SLC37A1: variants seen among roughly 807,000 people sequenced by gnomAD.
SLC37A1 encodes the protein glucose-6-phosphate exchanger SLC37A1.
SLC37A1 carries 49 observed loss-of-function variants against 75.3 expected under a neutral mutation model. That is an observed-to-expected ratio of 0.65 (90% CI 0.52 to 0.83). The LOEUF (loss-of-function observed/expected upper bound fraction) is 0.83, where lower values mean the gene tolerates loss of function less well. SLC37A1 is among the 40% of genes least tolerant of loss of function. The pLI is 0.00. For missense variants in SLC37A1, 566 were observed against 695.0 expected, an observed-to-expected ratio of 0.81 and a Z score of 2.09; for synonymous variants, 268 against 292.1, an observed-to-expected ratio of 0.92 and a Z score of 0.84.
intron 2 of SLC37A1, among the ~76,000 whole-genome samples, chr21:42,522,990 T>C (rs1262384831): frequency 6.6e-6 from 1 of 152,144 alleles, no homozygotes; most frequent in Non-Finnish European, 1.5e-5. Context: ...GCCCTGACCA[T>C]TGGGAACGCG....
chr21:42,509,425 T>C (rs1039477613), upstream of SLC37A1: 2 of 152,206 alleles, frequency 1.3e-5, no homozygotes, highest in Non-Finnish European at 2.9e-5. The surrounding 1 kb of genome is among the most constrained non-coding windows in gnomAD (Gnocchi z 4.2). Flanking sequence ...AAACAGAGCT[T>C]TCATACGTGA....
intron 17 of SLC37A1, among the ~76,000 whole-genome samples, chr21:42,569,945 T>C (rs1001570122): frequency 2.0e-5 from 3 of 152,228 alleles, no homozygotes; most frequent in African/African-American, 7.2e-5. Context: ...TCCACGCTGC[T>C]GCTGCTGCGT....
intron 18 of SLC37A1, among the ~76,000 whole-genome samples, chr21:42,576,599 GTAAAC>G (rs2056315622): frequency 6.6e-6 from 1 of 152,072 alleles, no homozygotes; most frequent in Non-Finnish European, 1.5e-5. Context: ...AAAGAGTTAT[GTAAAC>G]TAAAAATAAA....
At position 42,575,634 on chromosome 21, in the gene SLC37A1, C is replaced by A. The variant is rs73375859; in HGVS notation, c.1521+719C>A. 8.6e-5 allele frequency: 85 copies of A among 985,482 alleles called. No individual in the cohort carries two copies. In the African/African-American group the frequency reaches 1.4e-3, roughly 17 times the overall value. The allele number at this position is 985,482 out of a possible 1,614,324, so 61.0% of individuals were successfully genotyped here. ...TTACAAGTCACCTGGCCACAAAGTCCCCAGACCCACAGCCATGCCTCTCCT... is the reference window on the plus strand; with the variant it reads ...TTACAAGTCACCTGGCCACAAAGTCACCAGACCCACAGCCATGCCTCTCCT... On this transcript the variant is annotated intron_variant, in intron 18 of 19. Coordinates refer to ENST00000352133, the MANE Select transcript of SLC37A1 (RefSeq NM_001320537.2).
chr21:42,541,080 G>C (rs1406191041), intron 6 of SLC37A1, among the ~76,000 whole-genome samples: 1 of 152,162 alleles, frequency 6.6e-6, no homozygotes. Context: ...AGGATGGTTT[G>C]GGGATGAAAC....
At chr21:42,539,290 A>G (rs544586584) in intron 5 of SLC37A1, among the ~76,000 whole-genome samples, 2 of 152,350 alleles carry the variant, frequency 1.3e-5, no homozygotes, top group South Asian at 4.1e-4. Flanking sequence ...TAGGACTTCT[A>G]CTAGAAATAA....
At chr21:42,570,443 T>C (rs949243490) in intron 17 of SLC37A1, among the ~76,000 whole-genome samples, 3 of 152,180 alleles carry the variant, frequency 2.0e-5, no homozygotes, top group African/African-American at 7.2e-5. Flanking sequence ...CAGAGGGGCT[T>C]TGAGTGTATT....
intron 9 of SLC37A1, among the ~76,000 whole-genome samples, chr21:42,549,648 G>A (rs555218464): frequency 2.9e-4 from 44 of 152,250 alleles, no homozygotes; most frequent in African/African-American, 6.7e-4. Flanking sequence ...CCCTTGTCAC[G>A]GGCCTTCCTG....
intron 18 of SLC37A1, chr21:42,575,195 T>C (rs2056280163): frequency 1.0e-6 from 1 of 983,114 alleles, no homozygotes. Context: ...TCACCTGTCA[T>C]GTGTGTGACT....
intron 17 of SLC37A1, among the ~76,000 whole-genome samples, chr21:42,574,047 A>T (rs2056251905): frequency 6.6e-6 from 1 of 152,138 alleles, no homozygotes; most frequent in South Asian, 2.1e-4. Context: ...GCACACACAC[A>T]TATATGCACA....
intron 3 of SLC37A1, among the ~76,000 whole-genome samples, chr21:42,529,497 T>C (rs188816608): frequency 6.6e-6 from 1 of 152,126 alleles, no homozygotes; most frequent in Admixed American, 6.5e-5. Flanking sequence ...AATGTTGCAG[T>C]GAGCCGAGAC....
rs1489163621 is a variant in SLC37A1, at chr21:42,574,898, G to T, written c.1504G>T (p.Asp502Tyr). The T allele has an allele frequency of 6.2e-7, 1 of 1,614,076 alleles. No homozygotes were observed. Among genetic ancestry groups the T allele is most frequent in the Non-Finnish European group, 8.5e-7 (1 of 1,180,034 alleles). ...SNVFYMLMFA[D>Y]ACALLFLIRL... ...TGTGTTTTACATGCTGATGTTTGCA[G>T]ATGCCTGTGCCTTACTGGTAAGTCG... Residue 502 changes from aspartate (D) to tyrosine (Y), a missense_variant, in exon 18 of 20, where the codon GAT becomes TAT. By Grantham distance (160) the Asp-to-Tyr change is radical. Transcript: ENST00000352133.
At chr21:42,572,300 C>CT (rs2056193216) in intron 17 of SLC37A1, among the ~76,000 whole-genome samples, 1 of 152,146 alleles carries the variant, frequency 6.6e-6, no homozygotes. Flanking sequence ...CCTGGGGCAC[C>CT]TGGTGGCACC....
chr21:42,535,590 T>C lies in SLC37A1; in HGVS notation c.350+40T>C, dbSNP rs776873618. ...GTTTTCCAGACCCTTCCTGGTTACC[T>C]GGCCCCTCCGTGCAGAGAAGACATC... On this transcript the variant is annotated intron_variant, in intron 5 of 19. Transcript: ENST00000352133. 18 of 1,561,500 alleles carry C rather than the reference T, an allele frequency of 1.2e-5. No individual in the cohort carries two copies. In the Admixed American group the frequency reaches 2.7e-4, roughly 23 times the overall value.
intron 17 of SLC37A1, among the ~76,000 whole-genome samples, chr21:42,574,015 C>CCCT (rs10692602): frequency 0.75 from 114,147 of 151,920 alleles, 43,976 homozygotes; most frequent in African/African-American, 0.85. Flanking sequence ...CATCATGCAC[C>CCCT]CGTGTTTTTA....
chr21:42,537,985 C>T (rs767614737), intron 5 of SLC37A1, among the ~76,000 whole-genome samples: 1 of 152,188 alleles, frequency 6.6e-6, no homozygotes, highest in Non-Finnish European at 1.5e-5. Context: ...GCAGGTGCAG[C>T]GTGGACTTGA....
chr21:42,562,765 C>T (rs2055863414), intron 12 of SLC37A1, among the ~76,000 whole-genome samples: 1 of 97,004 alleles, frequency 1.0e-5, no homozygotes, highest in South Asian at 3.2e-4. Flanking sequence ...GAAATTGGAA[C>T]CCTGGCTGAG....
chr21:42,522,485 G>A (rs977967538), intron 2 of SLC37A1, among the ~76,000 whole-genome samples: 56 of 152,250 alleles, frequency 3.7e-4, no homozygotes, highest in African/African-American at 8.9e-4. Flanking sequence ...TGTGGCTGCC[G>A]CGGTTTAGCA....
chr21:42,579,878 C>A, intron 19 of SLC37A1, 78 bp downstream of exon 19: 1 of 1,338,436 alleles, frequency 7.5e-7, no homozygotes, highest in Non-Finnish European at 1.1e-6. Context: ...CCTTCTGCAC[C>A]TGGCTTTCCT....
Sources: gnomAD v4.1 joint callset for allele counts (sites outside exome capture counted in the v4.1 genomes callset) on GRCh38, gnomAD v4.1.1 for gene constraint, Gnocchi (gnomAD v3.1) non-coding constraint, MANE v1.5 for transcripts, NCBI Gene and HGNC (gene_info 2026-07-23, HGNC 2026-07-21) for gene names.